B9D2: variants seen among roughly 807,000 people sequenced by gnomAD.
B9D2 encodes the protein B9 domain-containing protein 2.
Under a neutral mutation model 19.2 loss-of-function variants are expected in B9D2, and 21 were observed. That is an observed-to-expected ratio of 1.09 (90% CI 0.78 to 1.58). The LOEUF (loss-of-function observed/expected upper bound fraction) is 1.58. B9D2 is among the 40% of genes most tolerant of loss of function. B9D2 has a pLI of 0.00. For synonymous variants in B9D2, 91 were observed against 100.6 expected, an observed-to-expected ratio of 0.90 and a Z score of 0.57; for missense variants, 221 against 244.3, an observed-to-expected ratio of 0.90 and a Z score of 0.64.
At chr19:41,363,621 T>A in intron 1 of B9D2, 98 bp from the exon 2 acceptor site, 1 of 1,109,658 alleles carries the variant, frequency 9.0e-7, no homozygotes, top group Non-Finnish European at 1.3e-6. Flanking sequence ...AGGGTAGTAC[T>A]AGGATTCCAA....
chr19:41,358,020 C>T lies in B9D2; in HGVS notation c.91G>A (p.Ala31Thr), dbSNP rs1050505012. The change falls in exon 3 of 4, where the codon GCG becomes ACG. Residue 31 changes from alanine (A) to threonine (T), a missense_variant and splice_region_variant. Physicochemically the swap from Ala to Thr is moderately conservative, Grantham distance 58 (BLOSUM62 0). Transcript: ENST00000243578. ...LFCKWGIHTGAAWKLLSGVRE... is the reference protein window; with the variant it reads ...LFCKWGIHTGTAWKLLSGVRE... ...ACGCCTGACAGGAGCTTCCATGCCGCCCCTGCAGTGAGAGCCGGGACATAG... is the reference window on the plus strand; with the variant it reads ...ACGCCTGACAGGAGCTTCCATGCCGTCCCTGCAGTGAGAGCCGGGACATAG... The T allele has an allele frequency of 6.2e-7, 1 of 1,614,014 alleles. No homozygotes were observed. The highest frequency in any genetic ancestry group is 8.5e-7 in the Non-Finnish European group (1 of 1,180,010).
At chr19:41,358,762 T>C (rs913280221) in intron 2 of B9D2, among the ~76,000 whole-genome samples, 1 of 152,090 alleles carries the variant, frequency 6.6e-6, no homozygotes, top group Non-Finnish European at 1.5e-5. Flanking sequence ...TCTCAGCACT[T>C]TGGGAGGCCA....
intron 1 of B9D2, among the ~76,000 whole-genome samples, 184 bp downstream of exon 1, chr19:41,363,774 T>A (rs2038455832): frequency 6.6e-6 from 1 of 152,182 alleles, no homozygotes; most frequent in African/African-American, 2.4e-5. Context: ...CTTTTCGGGT[T>A]CAGGTCGGCG....
intron 2 of B9D2, among the ~76,000 whole-genome samples, chr19:41,359,432 A>G (rs1465818045): frequency 6.6e-6 from 1 of 151,418 alleles, no homozygotes; most frequent in African/African-American, 2.4e-5. Context: ...CACCCACAAA[A>G]TTAGCCACGT....
At position 41,354,967 on chromosome 19, in the gene B9D2, G is replaced by T; in HGVS notation, c.261C>A (p.Gly87=). 1 of 1,610,372 alleles carries T rather than the reference G, an allele frequency of 6.2e-7. No individual in the cohort carries two copies. The highest frequency in any genetic ancestry group is 8.5e-7 in the Non-Finnish European group (1 of 1,178,228). ...HFQVWSQDSF[G]RCQLAGYGFC... ...ATCCATAGCCTGCAAGCTGGCAGCG[G>T]CCAAAGCTGTCCTGGGACCACACCT... The change falls in exon 4 of 4, where the codon GGC becomes GGA. Residue 87 remains glycine, a synonymous_variant. Coordinates refer to ENST00000243578, the MANE Select transcript of B9D2 (RefSeq NM_030578.4).
chr19:41,354,670 G>A lies in B9D2; in HGVS notation c.*30C>T, dbSNP rs763424785. On this transcript the variant is annotated 3_prime_UTR_variant, in exon 4 of 4. Transcript: ENST00000243578. ...CCCCATCACTGGGTGTCCGGGGTGT[G>A]GATGGTGGTGACGTTGGAGGCAGAG... The A allele has an allele frequency of 1.9e-6, 3 of 1,613,528 alleles. No homozygotes were observed. The highest frequency in any genetic ancestry group is 2.2e-5 in the South Asian group (2 of 91,046).
intron 2 of B9D2, among the ~76,000 whole-genome samples, chr19:41,358,912 G>C (rs58315091): frequency 1.5e-4 from 23 of 152,052 alleles, no homozygotes; most frequent in South Asian, 2.1e-4. Flanking sequence ...GGAGGCTTAG[G>C]GGGGGGTGGA....
At chr19:41,355,974 G>T (rs1422954130) in intron 3 of B9D2, among the ~76,000 whole-genome samples, 4 of 152,208 alleles carry the variant, frequency 2.6e-5, no homozygotes, top group African/African-American at 7.2e-5. Context: ...AAGGCCCTGG[G>T]GGGGGACTGT....
intron 2 of B9D2, 109 bp from the exon 3 acceptor site, chr19:41,358,131 A>C: frequency 6.7e-7 from 1 of 1,491,722 alleles, no homozygotes. Context: ...GGGGTTACGA[A>C]GCATGGACTC....
intron 2 of B9D2, among the ~76,000 whole-genome samples, chr19:41,360,588 C>A (rs558470258): frequency 6.6e-6 from 1 of 152,262 alleles, no homozygotes; most frequent in Admixed American, 6.5e-5. Flanking sequence ...TCACTGCAAC[C>A]TCCGCCTCCT....
chr19:41,354,785 C>A lies in B9D2; in HGVS notation c.443G>T (p.Arg148Leu), dbSNP rs149500212. 6.2e-7 allele frequency: 1 copy of A among 1,613,984 alleles called. No homozygotes were observed. Among genetic ancestry groups the A allele is most frequent in the Non-Finnish European group, 8.5e-7 (1 of 1,180,032 alleles). ...DTIYSGADRY[R>L]LHTAAGGTVH... Reference sequence around the variant, plus strand: ...GGTGCCACCAGCAGCTGTGTGCAGGCGATAGCGGTCGGCCCCACTGTAGAT... The same window carrying A: ...GGTGCCACCAGCAGCTGTGTGCAGGAGATAGCGGTCGGCCCCACTGTAGAT... The change falls in exon 4 of 4, where the codon CGC becomes CTC. Residue 148 changes from arginine (R) to leucine (L), a missense_variant. Physicochemically the swap from Arg to Leu is moderately radical, Grantham distance 102. Coordinates refer to ENST00000243578, the MANE Select transcript of B9D2 (RefSeq NM_030578.4).
chr19:41,354,537 C>A lies in B9D2; in HGVS notation c.*163G>T. 3 of 908,532 alleles carry A rather than the reference C, an allele frequency of 3.3e-6. No individual in the cohort carries two copies. The allele number at this position is 908,532 out of a possible 1,614,324, so 56.3% of individuals were successfully genotyped here. A position where few individuals can be genotyped will look rare whatever the true frequency, so the allele number is the denominator to read the frequency against. On this transcript the variant is annotated 3_prime_UTR_variant, in exon 4 of 4. Transcript: ENST00000243578. ...CAATTTACAGATAGGGAAACTGGGC[C>A]CAGAGGGACCCCGAGGTCCTAGAAA...
At chr19:41,357,283 G>T (rs954894531) in intron 3 of B9D2, among the ~76,000 whole-genome samples, 4 of 152,168 alleles carry the variant, frequency 2.6e-5, no homozygotes, top group Non-Finnish European at 4.4e-5. Flanking sequence ...GGTGAACCCT[G>T]TGAGGACAAG....
At chr19:41,361,483 T>C (rs1484017805) in intron 2 of B9D2, among the ~76,000 whole-genome samples, 2 of 151,986 alleles carry the variant, frequency 1.3e-5, no homozygotes, top group Non-Finnish European at 1.5e-5. Flanking sequence ...CTCACTTACC[T>C]GTAGAATCAA....
intron 3 of B9D2, among the ~76,000 whole-genome samples, chr19:41,355,369 G>C (rs975665825): frequency 1.6e-4 from 24 of 152,186 alleles, no homozygotes; most frequent in Non-Finnish European, 4.4e-5. Flanking sequence ...TGTCAGGGCA[G>C]CCCATTGCTC....
chr19:41,358,287 T>C (rs1239189611), intron 2 of B9D2, among the ~76,000 whole-genome samples: 1 of 152,158 alleles, frequency 6.6e-6, no homozygotes, highest in Non-Finnish European at 1.5e-5. Flanking sequence ...ATTTGTTTTC[T>C]GTTACTCTTA....
At position 41,356,327 on chromosome 19, in the gene B9D2, G is replaced by A. The variant is rs115614534; in HGVS notation, c.215-1314C>T. On this transcript the variant is annotated intron_variant, in intron 3 of 3. Transcript: ENST00000243578. ...GATCAAGGTGCTGGGCGAGAAAAGG[G>A]TAAGAAGTGGGATTTAGGATGTATT... 2.5e-3 allele frequency among the ~76,000 whole-genome samples: 388 copies of A among 152,246 alleles called. 2 individuals carry two copies. The highest frequency in any genetic ancestry group is 9.0e-3 in the African/African-American group (372 of 41,526).
chr19:41,354,991 C>G lies in B9D2; in HGVS notation c.237G>C (p.Gln79His), dbSNP rs2038288060. 2 of 1,603,204 alleles carry G rather than the reference C, an allele frequency of 1.2e-6. No homozygotes were observed. The highest frequency in any genetic ancestry group is 2.7e-5 in the African/African-American group (2 of 74,632). ...GGCCAAAGCTGTCCTGGGACCACACCTGGAAATGGAGCCGGGGCCAGCCTG... is the reference window on the plus strand; with the variant it reads ...GGCCAAAGCTGTCCTGGGACCACACGTGGAAATGGAGCCGGGGCCAGCCTG... ...GLQGWPRLHFQVWSQDSFGRC... is the reference protein window; with the variant it reads ...GLQGWPRLHFHVWSQDSFGRC... Residue 79 changes from glutamine (Q) to histidine (H), a missense_variant, in exon 4 of 4, where the codon CAG (glutamine) becomes CAC (histidine). Physicochemically the swap from Gln to His is conservative, Grantham distance 24. Transcript: ENST00000243578.
In B9D2 at chr19:41,362,078, CAAAAAAAAAAAA is replaced by C. The variant is rs940435937; in HGVS notation, c.88+1342_88+1353del. ...TTGGCTACAGAGTGAGACTCTGTCT[CAAAAAAAAAAAA>C]AAAAAAAAAAGGGCCAGGCGCAGTG... On this transcript the variant is annotated intron_variant, in intron 2 of 3. Coordinates refer to ENST00000243578, the MANE Select transcript of B9D2 (RefSeq NM_030578.4). Among the ~76,000 whole-genome samples, 161 of 45,296 alleles carry C rather than the reference CAAAAAAAAAAAA, an allele frequency of 3.6e-3. No homozygotes were observed. The Middle Eastern group carries it at 0.05, about 14-fold the overall frequency. The allele number at this position is 45,296 out of a possible 152,430, so 29.7% of individuals were successfully genotyped here.
Sources: allele counts gnomAD v4.1 joint callset (sites outside exome capture counted in the v4.1 genomes callset), GRCh38; gene constraint gnomAD v4.1.1; transcripts MANE v1.5; gene names NCBI Gene and HGNC (gene_info 2026-07-23, HGNC 2026-07-21).